Variants in BARD1 observed in about 807,000 individuals in gnomAD.
The protein encoded by BARD1 is BRCA1 associated RING domain 1, also known as BRCA1-associated RING domain protein 1.
A neutral mutation model predicts 77.0 loss-of-function variants in BARD1; 73 were observed. The ratio of observed to expected loss-of-function variants is 0.95; its 90% CI spans 0.79 to 1.15. BARD1 has a LOEUF of 1.15. Among genes scored for constraint, BARD1 ranks in the 50% most tolerant of loss-of-function variants. BARD1 has a pLI of 0.00. For synonymous variants in BARD1, 384 were observed against 338.0 expected (o/e 1.14, Z -1.49); for missense variants, 993 against 938.8 (o/e 1.06, Z -0.75).
chr2:214,788,077 G>A (rs1695351930), intron 3 of BARD1, among the ~76,000 whole-genome samples: 1 of 151,948 alleles, frequency 6.6e-6, no homozygotes, highest in Non-Finnish European at 1.5e-5. Context: ...TTATAAAAAA[G>A]TCATAGCATA....
At chr2:214,799,232 C>T (rs1695901274) in intron 1 of BARD1, among the ~76,000 whole-genome samples, 1 of 152,088 alleles carries the variant, frequency 6.6e-6, no homozygotes, top group Non-Finnish European at 1.5e-5. Flanking sequence ...ACCCAGGAGG[C>T]ACAGGTTGAG....
At chr2:214,738,750 A>G (rs1346051015) in intron 9 of BARD1, among the ~76,000 whole-genome samples, 2 of 152,192 alleles carry the variant, frequency 1.3e-5, no homozygotes, top group East Asian at 3.8e-4. Context: ...GAGATCTGTT[A>G]AATGTCCAAA....
intron 4 of BARD1, among the ~76,000 whole-genome samples, chr2:214,778,818 A>G (rs1431181016): frequency 6.6e-6 from 1 of 152,124 alleles, no homozygotes; most frequent in East Asian, 1.9e-4. Context: ...GACCCTAGGG[A>G]TCCTCATTAA....
rs1463551188 is a variant in BARD1 at position 214,780,730 on chromosome 2, T to C, written c.1144A>G (p.Asn382Asp). ...VGGTSGRKNS[N>D]MSDEFISLSP... ...AGACTAATGAATTCATCGGACATGTTACTGTTTTTCCTCCCTGATGTACCA... is the reference window on the plus strand; with the variant it reads ...AGACTAATGAATTCATCGGACATGTCACTGTTTTTCCTCCCTGATGTACCA... The change falls in exon 4 of 11, where the codon AAC becomes GAC. Residue 382 changes from asparagine (N) to aspartate (D), a missense_variant. Transcript: ENST00000260947. 9 of 1,614,082 alleles carry C rather than the reference T, an allele frequency of 5.6e-6. No homozygotes were observed. The highest frequency in any genetic ancestry group is 7.6e-6 in the Non-Finnish European group (9 of 1,179,962).
At chr2:214,745,919 G>C in intron 7 of BARD1, 65 bp from the exon 8 acceptor site, 4 of 1,554,360 alleles carry the variant, frequency 2.6e-6, no homozygotes, top group Middle Eastern at 1.7e-4. Context: ...ACATTAAACA[G>C]ACTGTTACTT....
At chr2:214,742,745 T>C (rs551537035) in intron 9 of BARD1, among the ~76,000 whole-genome samples, 3 of 152,348 alleles carry the variant, frequency 2.0e-5, no homozygotes, top group East Asian at 1.9e-4. Flanking sequence ...AGCCTGTATA[T>C]GTAACCAAAT....
intron 7 of BARD1, 62 bp downstream of exon 7, chr2:214,752,385 G>A: frequency 7.1e-7 from 1 of 1,409,378 alleles, no homozygotes; most frequent in South Asian, 1.2e-5. Context: ...TTTCTATTAT[G>A]TTCCTTTCAT....
rs1049980667 is a variant in BARD1 at position 214,727,264 on chromosome 2, A to G, written c.*1412T>C. The G allele has an allele frequency of 4.3e-6, 1 of 229,894 alleles. No homozygotes were observed. Among genetic ancestry groups the G allele is most frequent in the Non-Finnish European group, 8.6e-6 (1 of 116,068 alleles). 14.2% of individuals were successfully genotyped at this position (229,894 alleles called of 1,614,324 possible). On this transcript the variant is annotated 3_prime_UTR_variant, in exon 11 of 11. Transcript: ENST00000260947. ...CAAAATGTGTTTTCAAATGATAAAC[A>G]GAATCTCAAACTTTCAAGTAAGTGC...
rs143904524 is a variant in BARD1, at chr2:214,735,928, T to C, written c.1904-5420A>G. On this transcript the variant is annotated intron_variant, in intron 9 of 10. Transcript: ENST00000260947. ...CACTCAGGACGTCTATGATTACCCA[T>C]CATGTCAATCTTAATTTGTTAGTTT... Among the ~76,000 whole-genome samples, 317 of 152,186 alleles carry C rather than the reference T, an allele frequency of 2.1e-3. No individual in the cohort carries two copies. The highest frequency in any genetic ancestry group is 0.014 in the Middle Eastern group (4 of 294).
At chr2:214,734,867 C>G (rs913648139) in intron 9 of BARD1, among the ~76,000 whole-genome samples, 1 of 152,096 alleles carries the variant, frequency 6.6e-6, no homozygotes, top group African/African-American at 2.4e-5. Flanking sequence ...GTATCCTTCC[C>G]CAAATCCAGC....
chr2:214,794,730 C>CAGTTCAA (rs1695682871), intron 2 of BARD1, among the ~76,000 whole-genome samples: 1 of 151,960 alleles, frequency 6.6e-6, no homozygotes, highest in Non-Finnish European at 1.5e-5. Context: ...GATGAATTAC[C>CAGTTCAA]TTTATCAGTT....
At position 214,728,380 on chromosome 2, in the gene BARD1, C is replaced by T. The variant is rs888921327; in HGVS notation, c.*296G>A. ...TAATGATACCACTTGTCTATTTAAC[C>T]AAGATTCTGGTGTCCTCATTAATCT... On this transcript the variant is annotated 3_prime_UTR_variant, in exon 11 of 11. Transcript: ENST00000260947. 8.0e-6 allele frequency: 3 copies of T among 372,672 alleles called. No homozygotes were observed. Among genetic ancestry groups the T allele is most frequent in the African/African-American group, 6.2e-5 (3 of 48,444 alleles). 23.1% of individuals were successfully genotyped at this position (372,672 alleles called of 1,614,324 possible).
chr2:214,783,021 A>G (rs1162595413), intron 3 of BARD1, among the ~76,000 whole-genome samples: 2 of 152,184 alleles, frequency 1.3e-5, no homozygotes, highest in Non-Finnish European at 2.9e-5. Flanking sequence ...AATAGCAGAG[A>G]GCATACAAAG....
intron 5 of BARD1, 27 bp from the exon 6 acceptor site, chr2:214,767,681 G>C: frequency 2.5e-6 from 4 of 1,604,848 alleles, no homozygotes; most frequent in Non-Finnish European, 3.4e-6. Flanking sequence ...AAAAAGAAGT[G>C]AAAGAAGTGA....
intron 1 of BARD1, among the ~76,000 whole-genome samples, chr2:214,798,772 G>T (rs146465120): frequency 7.8e-6 from 1 of 127,496 alleles, no homozygotes; most frequent in Non-Finnish European, 1.6e-5. Flanking sequence ...ATTAAAAAAA[G>T]AAAAAAAAAA....
chr2:214,783,440 T>C (rs112013041), intron 3 of BARD1, among the ~76,000 whole-genome samples: 12 of 152,246 alleles, frequency 7.9e-5, no homozygotes, highest in African/African-American at 2.6e-4. Context: ...GAAGCCATCA[T>C]TCTCAGCAAA....
In BARD1 at chr2:214,781,038, G is replaced by C; in HGVS notation, c.836C>G (p.Ser279Cys). Residue 279 changes from serine to cysteine, a missense_variant, in exon 4 of 11, where the codon TCT becomes TGT. Transcript: ENST00000260947. ...CTCTATTTGCTCAGCCAATGGTAAA[G>C]AGACTTCAGTTAAACTTCCAAAACA... ...SECFGSLTEVSLPLAEQIESP... is the reference protein window; with the variant it reads ...SECFGSLTEVCLPLAEQIESP... 1 of 1,610,002 alleles carries C rather than the reference G, an allele frequency of 6.2e-7. No homozygotes were observed. Among genetic ancestry groups the C allele is most frequent in the Non-Finnish European group, 8.5e-7 (1 of 1,178,520 alleles).
chr2:214,767,006 T>C (rs1694233328), intron 6 of BARD1, among the ~76,000 whole-genome samples: 1 of 152,138 alleles, frequency 6.6e-6, no homozygotes, highest in South Asian at 2.1e-4. Context: ...CTCTGGTGTC[T>C]GTTGTTCCCT....
rs147394459 is a variant in BARD1 at position 214,765,751 on chromosome 2, TAC to T, written c.1568+1729_1568+1730del. ...AGACACACACAAACACGCACGTGTG[TAC>T]ACACACACACACACACAAATAAAAA... On this transcript the variant is annotated intron_variant, in intron 6 of 10. Coordinates refer to ENST00000260947, the MANE Select transcript of BARD1 (RefSeq NM_000465.4). Among the ~76,000 whole-genome samples, 177 of 149,930 alleles carry T rather than the reference TAC, an allele frequency of 1.2e-3. 2 individuals carry two copies. In the East Asian group the frequency reaches 0.023, roughly 19 times the overall value.
Sources: allele counts gnomAD v4.1 joint callset (sites outside exome capture counted in the v4.1 genomes callset), GRCh38; gene constraint gnomAD v4.1.1; transcripts MANE v1.5; gene names NCBI Gene and HGNC (gene_info 2026-07-23, HGNC 2026-07-21).